EML6: variants seen among roughly 807,000 people sequenced by gnomAD.
EML6 encodes echinoderm microtubule-associated protein-like 6.
Under a neutral mutation model 240.1 loss-of-function variants are expected in EML6, and 154 were observed. The ratio of observed to expected loss-of-function variants is 0.64; its 90% CI spans 0.56 to 0.73. The LOEUF (loss-of-function observed/expected upper bound fraction) is 0.73, where lower values mean the gene tolerates loss of function less well. Ranked by LOEUF, EML6 falls within the 30% of genes least tolerant of loss-of-function variation. The probability of loss-of-function intolerance (pLI) is 0.00; values close to 1 mark genes in which losing one functional copy is unlikely to be tolerated. For missense variants in EML6, 2,964 were observed against 2,474.6 expected, an observed-to-expected ratio of 1.20 and a Z score of -4.20; for synonymous variants, 1,148 against 899.0, an observed-to-expected ratio of 1.28 and a Z score of -4.95.
intron 28 of EML6, among the ~76,000 whole-genome samples, chr2:54,947,551 C>CA (rs781033866): frequency 1.2e-4 from 19 of 152,234 alleles, no homozygotes; most frequent in Middle Eastern, 3.4e-3. Context: ...TACCAAGAAA[C>CA]ACTGGGAATT....
At chr2:54,885,968 A>G (rs1327605169) in intron 17 of EML6, among the ~76,000 whole-genome samples, 1 of 152,080 alleles carries the variant, frequency 6.6e-6, no homozygotes, top group African/African-American at 2.4e-5. Context: ...CTTGCCTCTC[A>G]TCGTAGGGTT....
intron 5 of EML6, among the ~76,000 whole-genome samples, chr2:54,824,427 C>T (rs1668489723): frequency 6.6e-6 from 1 of 152,112 alleles, no homozygotes; most frequent in Admixed American, 6.5e-5. Context: ...ATTATTTTTG[C>T]TGTCTGTATT....
At chr2:54,942,774 C>A (rs1675493367) in intron 28 of EML6, among the ~76,000 whole-genome samples, 1 of 152,258 alleles carries the variant, frequency 6.6e-6, no homozygotes, top group South Asian at 2.1e-4. Context: ...CTCCTTTGTC[C>A]CTCAGTGTCT....
intron 2 of EML6, among the ~76,000 whole-genome samples, chr2:54,738,329 A>G (rs1683486525): frequency 6.6e-6 from 1 of 152,230 alleles, no homozygotes. Context: ...TCTGCTTAGA[A>G]TAGGACTTCT....
chr2:54,924,555 A>T lies in EML6; in HGVS notation c.3676-3758A>T, dbSNP rs185951467. On this transcript the variant is annotated intron_variant, in intron 26 of 41. Transcript: ENST00000356458. ...TTGATAAAATCACTTATTTTTTTTT[A>T]AAAAAATTATTTATTATTTTTCAAG... Among the ~76,000 whole-genome samples, 745 of 151,888 alleles carry T rather than the reference A, an allele frequency of 4.9e-3. 7 individuals carry two copies. Among genetic ancestry groups the T allele is most frequent in the African/African-American group, 0.017 (697 of 41,422 alleles).
intron 26 of EML6, among the ~76,000 whole-genome samples, chr2:54,923,780 C>A (rs1036873015): frequency 1.3e-5 from 2 of 152,156 alleles, no homozygotes; most frequent in African/African-American, 4.8e-5. Context: ...CCTCATACTC[C>A]TTCTGGGCCA....
intron 1 of EML6, 96 bp downstream of exon 1, chr2:54,723,873 C>G (rs1051881308): frequency 6.6e-6 from 1 of 152,582 alleles, no homozygotes; most frequent in Admixed American, 6.5e-5. Flanking sequence ...GCGCGCGGGC[C>G]GAACAGTCCT....
chr2:54,835,381 A>G (rs1441739382), intron 7 of EML6, among the ~76,000 whole-genome samples: 2 of 152,200 alleles, frequency 1.3e-5, no homozygotes, highest in African/African-American at 4.8e-5. Flanking sequence ...GAAAAGTGTC[A>G]TAGGACTGGA....
chr2:54,815,043 C>A (rs912027631), intron 3 of EML6, among the ~76,000 whole-genome samples: 14 of 152,172 alleles, frequency 9.2e-5, no homozygotes, highest in African/African-American at 3.4e-4. Flanking sequence ...CTGGTATGCA[C>A]CTTCTCTAAT....
intron 15 of EML6, 114 bp downstream of exon 15, chr2:54,869,481 G>C (rs1484905447): frequency 1.3e-6 from 1 of 799,534 alleles, no homozygotes; most frequent in African/African-American, 1.7e-5. Flanking sequence ...GAGATGGGAA[G>C]GTGAAGATTG....
At chr2:54,827,318 G>A (rs1668644481) in intron 5 of EML6, among the ~76,000 whole-genome samples, 1 of 152,140 alleles carries the variant, frequency 6.6e-6, no homozygotes, top group Non-Finnish European at 1.5e-5. Context: ...TAAACAATGA[G>A]CAAAGCTTTG....
chr2:54,740,139 A>G (rs769862501), intron 2 of EML6, among the ~76,000 whole-genome samples: 30 of 152,152 alleles, frequency 2.0e-4, no homozygotes, highest in Non-Finnish European at 3.5e-4. Context: ...AGAGGTGGTT[A>G]TACATTTATA....
At chr2:54,815,960 A>C (rs1454414172) in intron 3 of EML6, among the ~76,000 whole-genome samples, 1 of 152,216 alleles carries the variant, frequency 6.6e-6, no homozygotes, top group East Asian at 1.9e-4. Context: ...ATAATGCAGA[A>C]GGAATGATTA....
chr2:54,726,104 G>T (rs1004728803), intron 2 of EML6, among the ~76,000 whole-genome samples: 7 of 152,216 alleles, frequency 4.6e-5, no homozygotes, highest in South Asian at 2.1e-4. Flanking sequence ...AGCAAACAAG[G>T]TATGGGCCAG....
chr2:54,767,991 T>C (rs1480992158), intron 2 of EML6, among the ~76,000 whole-genome samples: 1 of 152,152 alleles, frequency 6.6e-6, no homozygotes, highest in Non-Finnish European at 1.5e-5. Context: ...TTCAGAGTAA[T>C]GATTCTTAGG....
chr2:54,820,162 T>C (rs1014568168), intron 4 of EML6, among the ~76,000 whole-genome samples: 1 of 152,190 alleles, frequency 6.6e-6, no homozygotes, highest in African/African-American at 2.4e-5. Flanking sequence ...CAGTTTGTTC[T>C]AAATAATTAT....
At chr2:54,941,253 C>T (rs1675413227) in intron 28 of EML6, among the ~76,000 whole-genome samples, 1 of 152,134 alleles carries the variant, frequency 6.6e-6, no homozygotes, top group Non-Finnish European at 1.5e-5. Context: ...TCATTTATTT[C>T]TGTTGGGACC....
At chr2:54,743,934 A>T (rs1284872977) in intron 2 of EML6, among the ~76,000 whole-genome samples, 1 of 152,148 alleles carries the variant, frequency 6.6e-6, no homozygotes, top group Non-Finnish European at 1.5e-5. Flanking sequence ...GGTAAATTTG[A>T]CTAGTGGGGT....
At chr2:54,924,109 TTCTTTC>T (rs1273251230) in intron 26 of EML6, among the ~76,000 whole-genome samples, 1 of 152,228 alleles carries the variant, frequency 6.6e-6, no homozygotes, top group African/African-American at 2.4e-5. Context: ...GACATATGCT[TTCTTTC>T]TCTTAGGTAA....
Sources: allele counts gnomAD v4.1 joint callset (sites outside exome capture counted in the v4.1 genomes callset), GRCh38; gene constraint gnomAD v4.1.1; transcripts MANE v1.5; gene names NCBI Gene and HGNC (gene_info 2026-07-23, HGNC 2026-07-21).